Variants in CTNNA3 observed in about 807,000 individuals in gnomAD.
CTNNA3 encodes the protein catenin alpha-3.
CTNNA3 carries 76 observed loss-of-function variants against 95.7 expected under a neutral mutation model. That is an observed-to-expected ratio of 0.79 (90% CI 0.66 to 0.96). The LOEUF is 0.96. CTNNA3 is among the 40% of genes least tolerant of loss of function. The pLI is 0.00. For missense variants in CTNNA3, 1,191 were observed against 1,089.8 expected, an observed-to-expected ratio of 1.09 and a Z score of -1.31; for synonymous variants, 431 against 374.4, an observed-to-expected ratio of 1.15 and a Z score of -1.74.
At chr10:65,966,868 G>A (rs1346594228) in intron 16 of CTNNA3, 122 bp from the exon 17 acceptor site, 3 of 626,578 alleles carry the variant, frequency 4.8e-6, no homozygotes, top group Non-Finnish European at 7.7e-6. Context: ...TTTCATACAG[G>A]ACCAAGTAGC....
At chr10:66,065,492 C>T (rs2080295944) in intron 15 of CTNNA3, among the ~76,000 whole-genome samples, 1 of 151,800 alleles carries the variant, frequency 6.6e-6, no homozygotes, top group African/African-American at 2.4e-5. Flanking sequence ...AGGTTTTTTT[C>T]CATTCACCAT....
At chr10:67,659,066 A>G (rs1034546186) in intron 1 of CTNNA3, among the ~76,000 whole-genome samples, 3 of 152,140 alleles carry the variant, frequency 2.0e-5, no homozygotes, top group Non-Finnish European at 2.9e-5. Flanking sequence ...AAAATTAAAC[A>G]TGTTTCCTCA....
intron 15 of CTNNA3, among the ~76,000 whole-genome samples, chr10:66,039,475 T>G (rs10822698): frequency 0.25 from 38,553 of 152,034 alleles, 5,002 homozygotes; most frequent in South Asian, 0.32. Flanking sequence ...AACTTCAAAC[T>G]ATACTATGGG....
chr10:66,866,198 A>G (rs897028930), intron 7 of CTNNA3, among the ~76,000 whole-genome samples: 2 of 152,218 alleles, frequency 1.3e-5, no homozygotes, highest in South Asian at 4.1e-4. Context: ...GACACAGCCT[A>G]ACCTCAGGAC....
intron 5 of CTNNA3, among the ~76,000 whole-genome samples, chr10:67,459,371 G>A (rs1198316598): frequency 6.6e-6 from 1 of 152,160 alleles, no homozygotes; most frequent in Admixed American, 6.5e-5. Context: ...GATGGGGTAG[G>A]ATAATATCAG....
intron 11 of CTNNA3, among the ~76,000 whole-genome samples, chr10:66,409,105 A>C (rs2093079939): frequency 6.6e-6 from 1 of 152,154 alleles, no homozygotes; most frequent in Non-Finnish European, 1.5e-5. Context: ...TATTCTACAT[A>C]TCTCTCATAT....
chr10:67,344,989 C>T (rs1842357506), intron 5 of CTNNA3, among the ~76,000 whole-genome samples: 1 of 151,484 alleles, frequency 6.6e-6, no homozygotes, highest in African/African-American at 2.4e-5. Context: ...TAGATATAAA[C>T]TTCCCTCCTG....
chr10:66,060,884 C>T (rs2080182096), intron 15 of CTNNA3, among the ~76,000 whole-genome samples: 1 of 152,070 alleles, frequency 6.6e-6, no homozygotes, highest in African/African-American at 2.4e-5. Flanking sequence ...GTCCCAGTCA[C>T]CCCATCCTCT....
At chr10:67,066,099 G>A (rs990023596) in intron 7 of CTNNA3, among the ~76,000 whole-genome samples, 3 of 151,778 alleles carry the variant, frequency 2.0e-5, no homozygotes, top group African/African-American at 7.3e-5. Flanking sequence ...ATCATCTGGG[G>A]ATCATGAGGG....
chr10:66,879,723 T>G (rs1844771649), intron 7 of CTNNA3, among the ~76,000 whole-genome samples: 1 of 152,052 alleles, frequency 6.6e-6, no homozygotes, highest in African/African-American at 2.4e-5. Context: ...ACTCTTGTAC[T>G]GGGAACACTC....
intron 7 of CTNNA3, among the ~76,000 whole-genome samples, chr10:66,860,707 T>C (rs1158546265): frequency 6.6e-6 from 1 of 152,206 alleles, no homozygotes; most frequent in Non-Finnish European, 1.5e-5. Context: ...CTCTAATCCT[T>C]TCCTGTTGTG....
intron 7 of CTNNA3, among the ~76,000 whole-genome samples, chr10:66,970,560 T>C (rs1228960082): frequency 6.6e-6 from 1 of 151,942 alleles, no homozygotes; most frequent in African/African-American, 2.4e-5. Flanking sequence ...TATTTTTACA[T>C]AAATTCTAAT....
chr10:66,445,321 C>A (rs1346635196), intron 11 of CTNNA3, among the ~76,000 whole-genome samples: 7 of 152,058 alleles, frequency 4.6e-5, no homozygotes, highest in Non-Finnish European at 8.8e-5. Flanking sequence ...ACCAAGCAGA[C>A]CTAATAGACA....
chr10:66,892,313 T>G (rs1241199206), intron 7 of CTNNA3, among the ~76,000 whole-genome samples: 1 of 152,136 alleles, frequency 6.6e-6, no homozygotes, highest in African/African-American at 2.4e-5. Context: ...ATCTGTTTCT[T>G]GTTTCCCAAT....
chr10:66,262,049 A>C (rs1387999279), intron 13 of CTNNA3, among the ~76,000 whole-genome samples: 1 of 151,972 alleles, frequency 6.6e-6, no homozygotes, highest in Non-Finnish European at 1.5e-5. Flanking sequence ...GACTTTTTGC[A>C]CATATTGGGC....
chr10:66,088,989 T>G (rs890539809), intron 14 of CTNNA3, among the ~76,000 whole-genome samples: 2 of 152,050 alleles, frequency 1.3e-5, no homozygotes, highest in Non-Finnish European at 2.9e-5. Flanking sequence ...AACATTTTCT[T>G]ATATAATTTG....
In CTNNA3 at chr10:66,444,424, G is replaced by C. The variant is rs550034815; in HGVS notation, c.1532-65072C>G. The stretch of plus-strand genomic sequence containing the variant: ...AAAAAATGGTAAGGGCAGCCAGAGA[G>C]AAAGGTTGGGTTACCCACAAAGGGA... On this transcript the variant is annotated intron_variant, in intron 11 of 17. Transcript: ENST00000433211. Among the ~76,000 whole-genome samples, 948 of 152,266 alleles carry C rather than the reference G, an allele frequency of 6.2e-3. 9 individuals are homozygous for C. The highest frequency in any genetic ancestry group is 0.021 in the African/African-American group (886 of 41,540).
At position 66,265,073 on chromosome 10, in the gene CTNNA3, A is replaced by G. The variant is rs2091115626; in HGVS notation, c.1884+15397T>C. On this transcript the variant is annotated intron_variant, in intron 13 of 17. Coordinates refer to ENST00000433211, the MANE Select transcript of CTNNA3 (RefSeq NM_013266.4). The stretch of plus-strand genomic sequence containing the variant: ...CACTCATCCAAATCTACTTATCACC[A>G]CAATCCAACCAGTTCTCTCTCTTGC... Among the ~76,000 whole-genome samples, 5 of 152,006 alleles carry G rather than the reference A, an allele frequency of 3.3e-5. No homozygotes were observed. The South Asian group carries it at 1.0e-3, about 31-fold the overall frequency.
chr10:66,855,676 T>C (rs1843659095), intron 7 of CTNNA3, among the ~76,000 whole-genome samples: 1 of 152,006 alleles, frequency 6.6e-6, no homozygotes, highest in Non-Finnish European at 1.5e-5. Flanking sequence ...CAATATAAGA[T>C]AGGTACCATG....
Sources: gnomAD v4.1 joint callset for allele counts (sites outside exome capture counted in the v4.1 genomes callset) on GRCh38, gnomAD v4.1.1 for gene constraint, MANE v1.5 for transcripts, NCBI Gene and HGNC (gene_info 2026-07-23, HGNC 2026-07-21) for gene names.